LSAMP: variants seen among roughly 807,000 people sequenced by gnomAD.
The protein encoded by LSAMP is limbic system associated membrane protein.
Under a neutral mutation model 38.6 loss-of-function variants are expected in LSAMP, and 7 were observed. The ratio of observed to expected loss-of-function variants is 0.18; its 90% CI spans 0.10 to 0.34. The LOEUF (loss-of-function observed/expected upper bound fraction) is 0.34. LSAMP is among the 10% of genes least tolerant of loss of function. The probability of loss-of-function intolerance (pLI) is 1.00; values close to 1 mark genes in which losing one functional copy is unlikely to be tolerated. For missense variants in LSAMP, 313 were observed against 420.0 expected (o/e 0.75, Z 2.23); for synonymous variants, 154 against 166.8 (o/e 0.92, Z 0.59).
At chr3:115,965,723 G>A (rs72957724) in intron 3 of LSAMP, among the ~76,000 whole-genome samples, 36,731 of 149,588 alleles carry the variant, frequency 0.25, 5,084 homozygotes, top group African/African-American at 0.4. Flanking sequence ...AATATAAACA[G>A]GTAGCTTATT....
At chr3:116,407,999 A>AT (rs2107834859) in intron 1 of LSAMP, among the ~76,000 whole-genome samples, 1 of 152,208 alleles carries the variant, frequency 6.6e-6, no homozygotes, top group East Asian at 1.9e-4. Context: ...ATGTAAGCTT[A>AT]TTAAGGAGTA....
rs76741326 is a variant in LSAMP at position 116,357,677 on chromosome 3, G to A, written c.155+87200C>T. ...ACATGCAAATTGAAAAGTTTATTTTGAGACACATTTTATATATATGCTGCA... is the reference window on the plus strand; with the variant it reads ...ACATGCAAATTGAAAAGTTTATTTTAAGACACATTTTATATATATGCTGCA... On this transcript the variant is annotated intron_variant, in intron 1 of 6. Transcript: ENST00000490035. Among the ~76,000 whole-genome samples the A allele has an allele frequency of 2.4e-4, 36 of 152,150 alleles. No homozygotes were observed. In the East Asian group the frequency reaches 6.8e-3, roughly 29 times the overall value.
chr3:115,842,596 A>G lies in LSAMP; in HGVS notation c.650-18T>C, dbSNP rs774434621. 2.5e-5 allele frequency: 41 copies of G among 1,612,210 alleles called. No homozygotes were observed. The highest frequency in any genetic ancestry group is 3.2e-5 in the Non-Finnish European group (38 of 1,178,928). On this transcript the variant is annotated intron_variant, in intron 4 of 6. Transcript: ENST00000490035. Reference sequence around the variant, plus strand: ...GGGAGGATCTGTAGGAAGGACAGGCACACAAGTTTACATGAGGGTCGGGGT... The same window carrying G: ...GGGAGGATCTGTAGGAAGGACAGGCGCACAAGTTTACATGAGGGTCGGGGT...
intron 1 of LSAMP, among the ~76,000 whole-genome samples, chr3:116,165,390 G>T (rs543713736): frequency 1.4e-3 from 210 of 152,258 alleles, no homozygotes; most frequent in African/African-American, 4.9e-3. Context: ...TATCTTGTTT[G>T]CTGGCAACAT....
intron 1 of LSAMP, among the ~76,000 whole-genome samples, chr3:116,347,563 C>T (rs75789621): frequency 0.03 from 4,532 of 152,190 alleles, 92 homozygotes; most frequent in South Asian, 0.082. Context: ...CAACCCACCC[C>T]ATTTTCTTTT....
intron 2 of LSAMP, among the ~76,000 whole-genome samples, chr3:116,085,091 C>A (rs759244003): frequency 1.5e-4 from 23 of 152,104 alleles, no homozygotes; most frequent in African/African-American, 2.9e-4. Context: ...AAGATCCATA[C>A]CCTGGTGTCT....
intron 1 of LSAMP, among the ~76,000 whole-genome samples, chr3:116,090,806 G>A (rs1314813616): frequency 2.0e-5 from 3 of 152,116 alleles, no homozygotes; most frequent in African/African-American, 7.2e-5. Flanking sequence ...GAATAGGTGT[G>A]GGTGACAGAC....
chr3:116,396,952 T>C (rs1202201041), intron 1 of LSAMP, among the ~76,000 whole-genome samples: 1 of 152,152 alleles, frequency 6.6e-6, no homozygotes, highest in African/African-American at 2.4e-5. Context: ...CAAAATACGA[T>C]CAATTCTTCC....
chr3:116,261,604 T>C (rs903872859), intron 1 of LSAMP, among the ~76,000 whole-genome samples: 2 of 152,204 alleles, frequency 1.3e-5, no homozygotes, highest in Non-Finnish European at 2.9e-5. Context: ...AACAATTTTC[T>C]GATTAAAAAA....
intron 2 of LSAMP, among the ~76,000 whole-genome samples, chr3:116,027,223 T>A (rs1271290827): frequency 6.6e-6 from 1 of 152,170 alleles, no homozygotes; most frequent in Non-Finnish European, 1.5e-5. Flanking sequence ...TCCCCACTTG[T>A]GCAAAATAAA....
chr3:116,202,050 G>T (rs2045994156), intron 1 of LSAMP, among the ~76,000 whole-genome samples: 1 of 151,814 alleles, frequency 6.6e-6, no homozygotes, highest in Admixed American at 6.6e-5. Context: ...TTCCAGGTTT[G>T]CCTACTTCAG....
chr3:116,125,408 GTTTC>G (rs916097470), intron 1 of LSAMP, among the ~76,000 whole-genome samples: 33 of 131,376 alleles, frequency 2.5e-4, no homozygotes, highest in African/African-American at 8.8e-4. Context: ...TTTTCAGTGT[GTTTC>G]TTTATCTTTC....
intron 3 of LSAMP, among the ~76,000 whole-genome samples, chr3:115,903,930 A>T (rs143506380): frequency 6.6e-6 from 1 of 152,322 alleles, no homozygotes; most frequent in African/African-American, 2.4e-5. Flanking sequence ...ATTCTTTTGA[A>T]AAACTGTCTT....
chr3:116,378,348 T>C (rs530701302), intron 1 of LSAMP, among the ~76,000 whole-genome samples: 51 of 152,128 alleles, frequency 3.4e-4, no homozygotes, highest in African/African-American at 1.2e-3. Flanking sequence ...TTGCAACCCA[T>C]ATGGACAAAG....
intron 2 of LSAMP, among the ~76,000 whole-genome samples, chr3:116,046,577 C>G (rs1278931934): frequency 6.6e-6 from 1 of 152,150 alleles, no homozygotes. Flanking sequence ...CTCAAAGGCC[C>G]TGGTTTTGGA....
intron 2 of LSAMP, among the ~76,000 whole-genome samples, chr3:116,021,947 A>G (rs1004263299): frequency 6.6e-6 from 1 of 152,186 alleles, no homozygotes; most frequent in Non-Finnish European, 1.5e-5. Context: ...AATTGACTAC[A>G]GGGCTATGTT....
At chr3:116,301,132 C>A (rs1559819713) in intron 1 of LSAMP, among the ~76,000 whole-genome samples, 2 of 151,888 alleles carry the variant, frequency 1.3e-5, no homozygotes, top group Admixed American at 6.6e-5. Flanking sequence ...AATTTGATAT[C>A]AACTATAACC....
intron 1 of LSAMP, among the ~76,000 whole-genome samples, chr3:116,427,766 T>C (rs1301241703): frequency 3.9e-5 from 6 of 152,142 alleles, no homozygotes; most frequent in Non-Finnish European, 1.5e-5. Flanking sequence ...TTAATCCTCA[T>C]AGAATTTCCA....
intron 1 of LSAMP, among the ~76,000 whole-genome samples, chr3:116,224,041 G>C (rs2046317107): frequency 6.6e-6 from 1 of 151,632 alleles, no homozygotes; most frequent in South Asian, 2.1e-4. Flanking sequence ...GAAATTCCAT[G>C]CTGTAGTACT....
Sources: gnomAD v4.1 joint callset for allele counts (sites outside exome capture counted in the v4.1 genomes callset) on GRCh38, gnomAD v4.1.1 for gene constraint, MANE v1.5 for transcripts, NCBI Gene and HGNC (gene_info 2026-07-23, HGNC 2026-07-21) for gene names.